DLG2: variants seen among roughly 807,000 people sequenced by gnomAD.
DLG2 encodes the protein disks large homolog 2.
DLG2 carries 45 observed loss-of-function variants against 132.5 expected under a neutral mutation model. That is an observed-to-expected ratio of 0.34 (90% CI 0.27 to 0.44). The LOEUF is 0.44. Ranked by LOEUF, DLG2 falls within the 20% of genes least tolerant of loss-of-function variation. The probability of loss-of-function intolerance (pLI) is 1.00; values close to 1 mark genes in which losing one functional copy is unlikely to be tolerated. For missense variants in DLG2, 1,045 were observed against 1,196.9 expected (o/e 0.87, Z 1.87); for synonymous variants, 424 against 419.6 (o/e 1.01, Z -0.13).
chr11:84,514,503 T>G (rs867244741), intron 7 of DLG2, among the ~76,000 whole-genome samples: 4 of 151,886 alleles, frequency 2.6e-5, no homozygotes, highest in African/African-American at 9.7e-5. Flanking sequence ...TAGAGGTCAT[T>G]CTGGAACTGG....
intron 18 of DLG2, among the ~76,000 whole-genome samples, chr11:83,672,873 C>T (rs1364321910): frequency 3.9e-5 from 6 of 152,046 alleles, no homozygotes; most frequent in African/African-American, 1.4e-4. Flanking sequence ...CCAGCCTGAC[C>T]AACATGGTGA....
chr11:84,550,048 A>G (rs2099398644), intron 6 of DLG2, among the ~76,000 whole-genome samples: 1 of 151,878 alleles, frequency 6.6e-6, no homozygotes, highest in Non-Finnish European at 1.5e-5. Context: ...GAGTCACCAC[A>G]CCCAGCATTC....
At chr11:83,889,436 T>A (rs185662825) in intron 15 of DLG2, among the ~76,000 whole-genome samples, 187 of 151,862 alleles carry the variant, frequency 1.2e-3, no homozygotes, top group African/African-American at 4.2e-3. Context: ...AGAATGCCAA[T>A]CATCAAAAAG....
chr11:85,356,194 C>A (rs945760477), intron 3 of DLG2, among the ~76,000 whole-genome samples: 1 of 152,158 alleles, frequency 6.6e-6, no homozygotes, highest in Admixed American at 6.6e-5. Context: ...TCTAAATACA[C>A]AGTCTTCATC....
chr11:84,359,297 G>C (rs1268744662), intron 7 of DLG2, among the ~76,000 whole-genome samples: 2 of 151,760 alleles, frequency 1.3e-5, no homozygotes, highest in Non-Finnish European at 1.5e-5. Flanking sequence ...TGGTTGTGCT[G>C]TATTTCTTAA....
intron 3 of DLG2, among the ~76,000 whole-genome samples, chr11:85,359,179 T>G (rs2083959979): frequency 6.6e-6 from 1 of 152,338 alleles, no homozygotes; most frequent in South Asian, 2.1e-4. Flanking sequence ...TGGAGTTCAC[T>G]TCAGATTCTC....
intron 6 of DLG2, among the ~76,000 whole-genome samples, chr11:85,093,706 C>T (rs1566834130): frequency 6.6e-6 from 1 of 152,174 alleles, no homozygotes; most frequent in Non-Finnish European, 1.5e-5. Context: ...ATCACAAGAA[C>T]AGCACAAGAA....
intron 6 of DLG2, among the ~76,000 whole-genome samples, chr11:85,079,994 G>A (rs542892): frequency 0.67 from 101,268 of 151,966 alleles, 34,630 homozygotes; most frequent in East Asian, 0.94. Flanking sequence ...TGATTGAGAC[G>A]GATGGAAAGG....
At chr11:85,159,801 C>T (rs1256719268) in intron 4 of DLG2, among the ~76,000 whole-genome samples, 1 of 152,190 alleles carries the variant, frequency 6.6e-6, no homozygotes, top group Non-Finnish European at 1.5e-5. Context: ...TACTGTCCTA[C>T]CTCAGGGGTA....
At chr11:83,820,481 A>T (rs1275000778) in intron 17 of DLG2, among the ~76,000 whole-genome samples, 2 of 152,192 alleles carry the variant, frequency 1.3e-5, no homozygotes, top group Non-Finnish European at 2.9e-5. Flanking sequence ...ACATTATTAG[A>T]ATGACGATAC....
At chr11:83,598,863 T>C (rs1031854289) in intron 19 of DLG2, among the ~76,000 whole-genome samples, 1 of 152,234 alleles carries the variant, frequency 6.6e-6, no homozygotes, top group Non-Finnish European at 1.5e-5. Flanking sequence ...TATCATGCAG[T>C]AGTATCTTCA....
chr11:84,589,499 T>C (rs2154530359), intron 6 of DLG2, among the ~76,000 whole-genome samples: 1 of 152,130 alleles, frequency 6.6e-6, no homozygotes, highest in South Asian at 2.1e-4. Context: ...GTACTAGGGG[T>C]GGGAGGAGGA....
At chr11:84,898,906 A>G (rs1349985765) in intron 6 of DLG2, among the ~76,000 whole-genome samples, 1 of 152,086 alleles carries the variant, frequency 6.6e-6, no homozygotes, top group East Asian at 1.9e-4. Context: ...ATTACACTTT[A>G]TAACAATTAT....
intron 17 of DLG2, among the ~76,000 whole-genome samples, chr11:83,801,788 A>G (rs138440354): frequency 1.3e-5 from 2 of 152,240 alleles, no homozygotes; most frequent in Non-Finnish European, 2.9e-5. Context: ...GCTTCCCATA[A>G]GTAGAGACCT....
chr11:84,778,662 T>C (rs1345307737), intron 6 of DLG2, among the ~76,000 whole-genome samples: 2 of 152,168 alleles, frequency 1.3e-5, no homozygotes, highest in Admixed American at 1.3e-4. Context: ...TTTCACCTTC[T>C]GTGATGGTTA....
chr11:84,770,931 C>T (rs1033314060), intron 6 of DLG2, among the ~76,000 whole-genome samples: 2 of 152,010 alleles, frequency 1.3e-5, no homozygotes, highest in African/African-American at 2.4e-5. Context: ...GGATTACAGG[C>T]ATGAGCCACT....
At chr11:84,589,019 C>A (rs1468004704) in intron 6 of DLG2, among the ~76,000 whole-genome samples, 1 of 152,142 alleles carries the variant, frequency 6.6e-6, no homozygotes, top group African/African-American at 2.4e-5. Context: ...AGTGAGGAAA[C>A]CCCTGACCCA....
chr11:84,184,097 G>A (rs1429869449), intron 8 of DLG2, among the ~76,000 whole-genome samples: 5 of 152,134 alleles, frequency 3.3e-5, no homozygotes, highest in Non-Finnish European at 7.4e-5. Flanking sequence ...ACCCAGTAAT[G>A]GGATGGCTGG....
chr11:83,891,976 G>C (rs1010323981), intron 15 of DLG2, among the ~76,000 whole-genome samples: 1 of 152,146 alleles, frequency 6.6e-6, no homozygotes, highest in African/African-American at 2.4e-5. Flanking sequence ...GGTCATGGCA[G>C]AGTAATTCCT....
Sources: allele counts gnomAD v4.1 joint callset (sites outside exome capture counted in the v4.1 genomes callset), GRCh38; gene constraint gnomAD v4.1.1; transcripts MANE v1.5; gene names NCBI Gene and HGNC (gene_info 2026-07-23, HGNC 2026-07-21).